The following GABRG3 variants were observed in gnomAD, a reference collection of about 807,000 sequenced individuals.
GABRG3 encodes the protein gamma-aminobutyric acid receptor subunit gamma-3.
GABRG3 carries 25 observed loss-of-function variants against 48.8 expected under a neutral mutation model. That is an observed-to-expected ratio of 0.51 (90% CI 0.37 to 0.72). The LOEUF (loss-of-function observed/expected upper bound fraction) is 0.72, where lower values mean the gene tolerates loss of function less well. Ranked by LOEUF, GABRG3 falls within the 30% of genes least tolerant of loss-of-function variation. The pLI, the probability that GABRG3 is intolerant of heterozygous loss-of-function variation, is 0.00. For missense variants in GABRG3, 394 were observed against 577.9 expected (o/e 0.68, Z 3.26); for synonymous variants, 227 against 217.6 (o/e 1.04, Z -0.38).
intron 3 of GABRG3, among the ~76,000 whole-genome samples, chr15:27,234,743 T>C (rs1889902922): frequency 6.6e-6 from 1 of 152,194 alleles, no homozygotes; most frequent in South Asian, 2.1e-4. Context: ...GCTTCTCTTA[T>C]GGATGACTAA....
At chr15:27,308,472 T>C (rs943908122) in intron 3 of GABRG3, among the ~76,000 whole-genome samples, 2 of 147,708 alleles carry the variant, frequency 1.4e-5, no homozygotes, top group Non-Finnish European at 3.0e-5. Flanking sequence ...TGTTTATATA[T>C]AAACATATAA....
At chr15:27,146,039 A>T (rs1323936053) in intron 3 of GABRG3, among the ~76,000 whole-genome samples, 1 of 152,218 alleles carries the variant, frequency 6.6e-6, no homozygotes, top group Non-Finnish European at 1.5e-5. Context: ...AAGAAGTTAG[A>T]CATCCCAAAT....
chr15:26,997,423 CTT>C (rs1248119968), intron 2 of GABRG3, among the ~76,000 whole-genome samples: 1 of 152,086 alleles, frequency 6.6e-6, no homozygotes, highest in African/African-American at 2.4e-5. Context: ...TTCAAAAAAA[CTT>C]TGACATTTGA....
chr15:27,015,431 C>G (rs1416832419), intron 2 of GABRG3, among the ~76,000 whole-genome samples: 1 of 142,084 alleles, frequency 7.0e-6, no homozygotes, highest in African/African-American at 2.7e-5. Context: ...GTCACCCAGG[C>G]TGGAGTGCAG....
At position 27,400,856 on chromosome 15, in the gene GABRG3, C is replaced by T. The variant is rs200761857; in HGVS notation, c.574+71968C>T. ...GTAGGGACGTGTGTCCTCTAAACAA[C>T]GAAGATGTATTTAACCTCAGACCTG... On this transcript the variant is annotated intron_variant, in intron 5 of 9. Transcript: ENST00000615808. Among the ~76,000 whole-genome samples, 18 of 151,856 alleles carry T rather than the reference C, an allele frequency of 1.2e-4. No homozygotes were observed. In the East Asian group the frequency reaches 1.8e-3, roughly 15 times the overall value.
chr15:27,341,636 G>A (rs939598016), intron 5 of GABRG3, among the ~76,000 whole-genome samples: 8 of 152,068 alleles, frequency 5.3e-5, no homozygotes, highest in Non-Finnish European at 1.0e-4. Context: ...CCCCTATCAC[G>A]CAGGGGGCAA....
intron 5 of GABRG3, among the ~76,000 whole-genome samples, chr15:27,353,140 C>T (rs990630196): frequency 1.3e-5 from 2 of 152,112 alleles, no homozygotes; most frequent in African/African-American, 4.8e-5. Flanking sequence ...CCTCTTGCCC[C>T]TACCTGGGCA....
intron 3 of GABRG3, among the ~76,000 whole-genome samples, chr15:27,273,203 A>AT (rs1232297972): frequency 6.6e-6 from 1 of 152,212 alleles, no homozygotes; most frequent in African/African-American, 2.4e-5. Context: ...AAGATGCTGC[A>AT]TTTTTTGGAG....
intron 3 of GABRG3, among the ~76,000 whole-genome samples, chr15:27,120,099 AT>A (rs1444869486): frequency 6.6e-6 from 1 of 152,178 alleles, no homozygotes; most frequent in African/African-American, 2.4e-5. Flanking sequence ...AAACAACTGA[AT>A]TCACTGCTAA....
At chr15:27,197,542 T>C (rs1888535412) in intron 3 of GABRG3, among the ~76,000 whole-genome samples, 2 of 152,012 alleles carry the variant, frequency 1.3e-5, no homozygotes, top group Admixed American at 1.3e-4. Flanking sequence ...GGCAGCGGCC[T>C]TCAGGGTTGA....
intron 2 of GABRG3, among the ~76,000 whole-genome samples, chr15:26,992,409 C>T (rs982068200): frequency 7.9e-5 from 12 of 151,944 alleles, no homozygotes; most frequent in African/African-American, 2.7e-4. Context: ...GTTCCTTCTA[C>T]ACCCAGTTTT....
intron 5 of GABRG3, among the ~76,000 whole-genome samples, chr15:27,417,119 A>G (rs1887961363): frequency 6.6e-6 from 1 of 152,152 alleles, no homozygotes; most frequent in Non-Finnish European, 1.5e-5. Flanking sequence ...CACAATTGGG[A>G]ACTGTGGGTG....
chr15:27,217,079 C>T (rs952332382), intron 3 of GABRG3, among the ~76,000 whole-genome samples: 3 of 149,886 alleles, frequency 2.0e-5, no homozygotes, highest in African/African-American at 7.4e-5. Context: ...TTTCCAATTT[C>T]ATCCACGTCC....
At position 27,248,799 on chromosome 15, in the gene GABRG3, CACACAGAGAG is replaced by C. The variant is rs1256203404; in HGVS notation, c.271-78008_271-77999del. ...ACACACACACACACACACACACACA[CACACAGAGAG>C]AGAGAGAGAGAGAGAGAGAGAGAGA... On this transcript the variant is annotated intron_variant, in intron 3 of 9. Coordinates refer to ENST00000615808, the MANE Select transcript of GABRG3 (RefSeq NM_033223.5). 2.2e-4 allele frequency among the ~76,000 whole-genome samples: 26 copies of C among 115,620 alleles called. No individual in the cohort carries two copies. In the East Asian group the frequency reaches 3.8e-3, roughly 17 times the overall value. The allele number at this position is 115,620 out of a possible 152,430, so 75.9% of individuals were successfully genotyped here.
At chr15:27,273,989 T>C (rs902243607) in intron 3 of GABRG3, among the ~76,000 whole-genome samples, 1 of 152,158 alleles carries the variant, frequency 6.6e-6, no homozygotes, top group Non-Finnish European at 1.5e-5. Context: ...AAGGAGGATC[T>C]CCTCCCAAGC....
chr15:27,244,553 G>A (rs1182109116), intron 3 of GABRG3, among the ~76,000 whole-genome samples: 1 of 152,194 alleles, frequency 6.6e-6, no homozygotes, highest in African/African-American at 2.4e-5. Flanking sequence ...CTGCACATGT[G>A]TATTGAATAT....
chr15:27,099,292 A>G (rs1428818852), intron 3 of GABRG3, among the ~76,000 whole-genome samples: 1 of 152,122 alleles, frequency 6.6e-6, no homozygotes, highest in Non-Finnish European at 1.5e-5. Context: ...GGGCTGCCAT[A>G]ACCAAGCATC....
chr15:27,393,380 A>G (rs1887207378), intron 5 of GABRG3, among the ~76,000 whole-genome samples: 1 of 151,812 alleles, frequency 6.6e-6, no homozygotes, highest in Admixed American at 6.6e-5. Flanking sequence ...AAAGAAAAGA[A>G]TCAGGACATG....
At chr15:27,126,001 A>G (rs1210833946) in intron 3 of GABRG3, among the ~76,000 whole-genome samples, 1 of 152,166 alleles carries the variant, frequency 6.6e-6, no homozygotes, top group East Asian at 1.9e-4. Context: ...TATGCATGCA[A>G]CTCAGCAGAG....
Sources: gnomAD v4.1 joint callset for allele counts (sites outside exome capture counted in the v4.1 genomes callset) on GRCh38, gnomAD v4.1.1 for gene constraint, MANE v1.5 for transcripts, NCBI Gene and HGNC (gene_info 2026-07-23, HGNC 2026-07-21) for gene names.